The following STPG2 variants were observed in gnomAD, a reference collection of about 807,000 sequenced individuals.
STPG2 encodes sperm tail PG-rich repeat containing 2, also known as sperm-tail PG-rich repeat-containing protein 2.
Under a neutral mutation model 54.2 loss-of-function variants are expected in STPG2, and 56 were observed. That is an observed-to-expected ratio of 1.03 (90% confidence interval 0.83 to 1.29). The LOEUF (loss-of-function observed/expected upper bound fraction) is 1.29. Among genes scored for constraint, STPG2 ranks in the 50% most tolerant of loss-of-function variants. The probability of loss-of-function intolerance (pLI) is 0.00; values close to 1 mark genes in which losing one functional copy is unlikely to be tolerated. For missense variants in STPG2, 596 were observed against 544.9 expected (o/e 1.09, Z -0.93); for synonymous variants, 200 against 181.8 (o/e 1.10, Z -0.81).
intron 4 of STPG2, among the ~76,000 whole-genome samples, chr4:97,545,601 A>G (rs1264034127): frequency 6.6e-6 from 1 of 152,140 alleles, no homozygotes; most frequent in Non-Finnish European, 1.5e-5. Flanking sequence ...TACCAGGGTT[A>G]GTCTAGGACC....
intron 9 of STPG2, among the ~76,000 whole-genome samples, chr4:97,791,902 T>G (rs1335549651): frequency 6.6e-6 from 1 of 151,920 alleles, no homozygotes; most frequent in Non-Finnish European, 1.5e-5. Flanking sequence ...CCCAAATGAT[T>G]ATAGCAAAAG....
intron 8 of STPG2, among the ~76,000 whole-genome samples, chr4:97,915,779 C>A (rs1430157339): frequency 6.6e-6 from 1 of 152,106 alleles, no homozygotes; most frequent in Non-Finnish European, 1.5e-5. Flanking sequence ...TAATGAAATG[C>A]TAGCTCAAGG....
intron 5 of STPG2, among the ~76,000 whole-genome samples, chr4:98,023,165 T>C (rs1409905356): frequency 6.6e-6 from 1 of 152,174 alleles, no homozygotes; most frequent in African/African-American, 2.4e-5. Flanking sequence ...CTTTTGGTCT[T>C]TGATGATGGT....
intron 10 of STPG2, among the ~76,000 whole-genome samples, chr4:97,652,179 AT>A (rs911442801): frequency 3.3e-5 from 5 of 151,986 alleles, no homozygotes; most frequent in African/African-American, 9.7e-5. Context: ...TTTATAAAAA[AT>A]ATTTCTATTT....
chr4:98,000,835 G>A (rs563395172), intron 5 of STPG2, among the ~76,000 whole-genome samples: 1 of 152,102 alleles, frequency 6.6e-6, no homozygotes, highest in Non-Finnish European at 1.5e-5. Context: ...GGCATGTTTT[G>A]CAGGATAAAT....
At chr4:97,609,425 A>T (rs1390311336) in intron 10 of STPG2, among the ~76,000 whole-genome samples, 1 of 151,986 alleles carries the variant, frequency 6.6e-6, no homozygotes. Flanking sequence ...AGCATAGATC[A>T]TTTCCCTATT....
At position 97,763,570 on chromosome 4, in the gene STPG2, A is replaced by G. The variant is rs1048478342; in HGVS notation, c.1205-50756T>C. ...AGGGACCAAATATTCCAGTTTGGCC[A>G]GGATAGTCTTATTTTATGCCTATTG... On this transcript the variant is annotated intron_variant, in intron 9 of 10. Transcript: ENST00000295268. 2.8e-4 allele frequency among the ~76,000 whole-genome samples: 43 copies of G among 152,170 alleles called. 1 individual carries two copies. Among genetic ancestry groups the G allele is most frequent in the Non-Finnish European group, 5.9e-5 (4 of 68,016 alleles).
At chr4:97,939,709 G>A (rs1732902472) in intron 8 of STPG2, among the ~76,000 whole-genome samples, 3 of 152,130 alleles carry the variant, frequency 2.0e-5, no homozygotes, top group Admixed American at 2.0e-4. Context: ...CATGTAAGAT[G>A]GGTCACTTGA....
intron 4 of STPG2, among the ~76,000 whole-genome samples, chr4:97,476,482 T>C (rs760055430): frequency 6.6e-6 from 1 of 152,176 alleles, no homozygotes; most frequent in African/African-American, 2.4e-5. Context: ...TCTCACATTG[T>C]AACATTTTCT....
chr4:97,842,190 AG>A (rs147673128), intron 8 of STPG2, among the ~76,000 whole-genome samples: 4,747 of 151,902 alleles, frequency 0.031, 114 homozygotes, highest in Non-Finnish European at 0.048. Flanking sequence ...TGACTAGGGG[AG>A]GGGATTCTTA....
chr4:97,984,449 T>A (rs1734770866), intron 5 of STPG2, among the ~76,000 whole-genome samples: 1 of 152,144 alleles, frequency 6.6e-6, no homozygotes. Context: ...CCGCCCTGTT[T>A]CCAATTCTTA....
At chr4:97,864,928 T>A (rs529963636) in intron 8 of STPG2, among the ~76,000 whole-genome samples, 1 of 152,158 alleles carries the variant, frequency 6.6e-6, no homozygotes. Context: ...TTACACCTTA[T>A]ACAAAAATTC....
At chr4:97,617,956 T>C (rs191684686) in intron 10 of STPG2, among the ~76,000 whole-genome samples, 1 of 152,164 alleles carries the variant, frequency 6.6e-6, no homozygotes, top group Non-Finnish European at 1.5e-5. Context: ...TTGATGGCAG[T>C]TAATCTTTAT....
At chr4:97,946,165 T>C (rs1423225599) in intron 7 of STPG2, among the ~76,000 whole-genome samples, 3 of 152,198 alleles carry the variant, frequency 2.0e-5, no homozygotes, top group Non-Finnish European at 1.5e-5. Flanking sequence ...GAATATTTTT[T>C]CATATATTTG....
At chr4:98,138,740 A>C (rs1380756911) in intron 1 of STPG2, among the ~76,000 whole-genome samples, 1 of 152,132 alleles carries the variant, frequency 6.6e-6, no homozygotes, top group East Asian at 1.9e-4. Flanking sequence ...ATAAGCACAT[A>C]GGCACAGGTA....
chr4:98,133,872 A>T (rs1440284904), intron 2 of STPG2, among the ~76,000 whole-genome samples: 1 of 152,046 alleles, frequency 6.6e-6, no homozygotes, highest in African/African-American at 2.4e-5. Context: ...TATCAGAGTT[A>T]TATCTACTAT....
rs185151616 is a variant in STPG2, at chr4:97,731,446, G to A, written c.1205-18632C>T. On this transcript the variant is annotated intron_variant, in intron 9 of 10. Transcript: ENST00000295268. The stretch of plus-strand genomic sequence containing the variant: ...ACGTGCCTCTTCTGTATTTCAGTGC[G>A]TTTGCAGCATGCTCCTGGGTGAGGG... Among the ~76,000 whole-genome samples, 5 of 152,256 alleles carry A rather than the reference G, an allele frequency of 3.3e-5. No homozygotes were observed. The East Asian group carries it at 5.8e-4, about 18-fold the overall frequency.
At chr4:98,018,615 C>A (rs1303561990) in intron 5 of STPG2, among the ~76,000 whole-genome samples, 1 of 152,046 alleles carries the variant, frequency 6.6e-6, no homozygotes, top group Non-Finnish European at 1.5e-5. Context: ...AATGGTTGAA[C>A]TAGTTTATAG....
chr4:97,524,664 T>C (rs906504233), intron 4 of STPG2, among the ~76,000 whole-genome samples: 2 of 151,976 alleles, frequency 1.3e-5, no homozygotes, highest in Non-Finnish European at 2.9e-5. Flanking sequence ...ATATCTTTCA[T>C]CTTACAGCAA....
Sources: allele counts gnomAD v4.1 joint callset (sites outside exome capture counted in the v4.1 genomes callset), GRCh38; gene constraint gnomAD v4.1.1; transcripts MANE v1.5; gene names NCBI Gene and HGNC (gene_info 2026-07-23, HGNC 2026-07-21).